RGS6: variants seen among roughly 807,000 people sequenced by gnomAD.
The protein encoded by RGS6 is regulator of G-protein signaling 6.
RGS6 carries 30 observed loss-of-function variants against 78.5 expected under a neutral mutation model. That is an observed-to-expected ratio of 0.38 (90% CI 0.29 to 0.52). The LOEUF (loss-of-function observed/expected upper bound fraction) is 0.52, where lower values mean the gene tolerates loss of function less well. Ranked by LOEUF, RGS6 falls within the 20% of genes least tolerant of loss-of-function variation. The pLI, the probability that RGS6 is intolerant of heterozygous loss-of-function variation, is 0.85. For missense variants in RGS6, 495 were observed against 609.7 expected (o/e 0.81, Z 1.98); for synonymous variants, 206 against 206.0 (o/e 1.00, Z 0.00).
intron 3 of RGS6, among the ~76,000 whole-genome samples, chr14:72,378,700 A>C (rs1596457209): frequency 6.6e-6 from 1 of 152,164 alleles, no homozygotes; most frequent in Non-Finnish European, 1.5e-5. Context: ...CAGTAATAAA[A>C]AGTTTCCCAA....
chr14:72,348,941 C>T (rs1438989781), intron 2 of RGS6, among the ~76,000 whole-genome samples: 8 of 151,944 alleles, frequency 5.3e-5, no homozygotes, highest in Admixed American at 6.6e-5. Context: ...CCAAGGTGGG[C>T]AGATCACAAG....
chr14:72,020,876 G>A (rs1402634004), intron 2 of RGS6, among the ~76,000 whole-genome samples: 1 of 152,188 alleles, frequency 6.6e-6, no homozygotes, highest in East Asian at 1.9e-4. Flanking sequence ...GTGGTGACAT[G>A]TGCTCTGAAG....
chr14:72,175,124 T>C (rs892642900), intron 2 of RGS6, among the ~76,000 whole-genome samples: 2 of 152,348 alleles, frequency 1.3e-5, no homozygotes, highest in East Asian at 1.9e-4. Context: ...TCTGCAATTA[T>C]TAAAAGTTTT....
chr14:71,985,120 T>C (rs2094639974), intron 2 of RGS6, among the ~76,000 whole-genome samples: 2 of 152,130 alleles, frequency 1.3e-5, no homozygotes, highest in African/African-American at 4.8e-5. Flanking sequence ...ATAGTTTTAT[T>C]TATTTTTATT....
intron 2 of RGS6, among the ~76,000 whole-genome samples, chr14:72,200,701 A>G (rs1316274848): frequency 5.9e-5 from 9 of 152,200 alleles, no homozygotes; most frequent in African/African-American, 2.2e-4. Context: ...CCTCACCTCA[A>G]AAGCCCCACA....
At position 72,562,934 on chromosome 14, in the gene RGS6, T is replaced by TA; in HGVS notation, c.*468dup. 1 of 647,124 alleles carries TA rather than the reference T, an allele frequency of 1.5e-6. No individual in the cohort carries two copies. Among genetic ancestry groups the TA allele is most frequent in the South Asian group, 1.8e-5 (1 of 55,738 alleles). 40.1% of individuals were successfully genotyped at this position (647,124 alleles called of 1,614,324 possible). A position where few individuals can be genotyped will look rare whatever the true frequency, so the allele number is the denominator to read the frequency against. ...TCACCTCCCTGGCACCTCCCATAGTTACAGCCACTACATCCCCACCGCCGC... is the reference window on the plus strand; with the variant it reads ...TCACCTCCCTGGCACCTCCCATAGTTAACAGCCACTACATCCCCACCGCCGC... On this transcript the variant is annotated 3_prime_UTR_variant, in exon 18 of 18. Transcript: ENST00000553525.
At chr14:72,027,493 C>A (rs1336098724) in intron 2 of RGS6, among the ~76,000 whole-genome samples, 3 of 152,010 alleles carry the variant, frequency 2.0e-5, no homozygotes, top group African/African-American at 7.3e-5. Context: ...CCAAATCTGC[C>A]CACCCTCTTC....
intron 2 of RGS6, among the ~76,000 whole-genome samples, chr14:72,340,672 A>C (rs561474854): frequency 8.5e-5 from 13 of 152,330 alleles, no homozygotes; most frequent in Admixed American, 8.5e-4. Flanking sequence ...CAGTTTTTGC[A>C]GCTGCTGAGG....
At chr14:72,247,769 G>T (rs1293666651) in intron 2 of RGS6, among the ~76,000 whole-genome samples, 1 of 152,138 alleles carries the variant, frequency 6.6e-6, no homozygotes, top group Non-Finnish European at 1.5e-5. Flanking sequence ...CTAATGAAAA[G>T]GATGAGTTTG....
At chr14:72,627,582 G>C in the RGS6 span, among the ~76,000 whole-genome samples, 1 of 151,962 alleles carries the variant, frequency 6.6e-6, no homozygotes, top group African/African-American at 2.4e-5. Context: ...ATATCTGGTA[G>C]GGCTAGTTTC....
rs192833734 is a variant in RGS6, at chr14:72,273,120, A to G, written c.85-78975A>G. 2.3e-3 allele frequency among the ~76,000 whole-genome samples: 345 copies of G among 151,306 alleles called. 2 individuals carry two copies. The highest frequency in any genetic ancestry group is 3.9e-3 in the Non-Finnish European group (265 of 67,756). On this transcript the variant is annotated intron_variant, in intron 2 of 17. Coordinates refer to ENST00000553525, the MANE Select transcript of RGS6 (RefSeq NM_001204424.2). ...GCACTCCAGCCTCGGCTACAAGGGC[A>G]AAACTCCATCTCAAAAAAAAAAAGA...
At chr14:72,130,213 G>T (rs2096285508) in intron 2 of RGS6, among the ~76,000 whole-genome samples, 1 of 152,166 alleles carries the variant, frequency 6.6e-6, no homozygotes, top group Admixed American at 6.5e-5. Context: ...GGCCAGAAGG[G>T]TCTTGAGTGC....
At chr14:72,065,916 T>TCCCCCCC (rs562810939) in intron 2 of RGS6, among the ~76,000 whole-genome samples, 1 of 128,542 alleles carries the variant, frequency 7.8e-6, no homozygotes, top group African/African-American at 2.9e-5. Flanking sequence ...ATGCTATCCC[T>TCCCCCCC]CCCCCCCTCC....
At chr14:72,472,764 C>T (rs1035799351) in intron 8 of RGS6, 108 bp from the exon 9 acceptor site, 6 of 747,150 alleles carry the variant, frequency 8.0e-6, no homozygotes, top group African/African-American at 1.8e-5. Flanking sequence ...GTACCAATGG[C>T]CTTGTGTTCA....
At chr14:71,959,045 G>T (rs2093004059) in intron 1 of RGS6, among the ~76,000 whole-genome samples, 1 of 152,186 alleles carries the variant, frequency 6.6e-6, no homozygotes, top group South Asian at 2.1e-4. Flanking sequence ...GCCTTTAGGG[G>T]TTGAGTGCTA....
rs1163409219 is a variant in RGS6, at chr14:71,974,088, T to C, written c.84+9213T>C. ...TTCATTTCAAGGAGTCTAAGATTTT[T>C]CATTTTGGCAGGCAGTTGATCACTC... On this transcript the variant is annotated intron_variant, in intron 2 of 17. Coordinates refer to ENST00000553525, the MANE Select transcript of RGS6 (RefSeq NM_001204424.2). Among the ~76,000 whole-genome samples the C allele has an allele frequency of 2.0e-5, 3 of 152,320 alleles. No homozygotes were observed. In the East Asian group the frequency reaches 5.8e-4, roughly 29 times the overall value.
chr14:72,255,629 C>T (rs1166751032), intron 2 of RGS6, among the ~76,000 whole-genome samples: 1 of 152,188 alleles, frequency 6.6e-6, no homozygotes, highest in East Asian at 1.9e-4. Flanking sequence ...AAATGTGGCA[C>T]AAATTCTCTT....
chr14:72,197,411 C>T (rs116647130), intron 2 of RGS6, among the ~76,000 whole-genome samples: 1,575 of 152,190 alleles, frequency 0.01, 24 homozygotes, highest in African/African-American at 0.036. Flanking sequence ...GAGTGCCTAG[C>T]TCACACTTCA....
chr14:72,492,949 A>C (rs938095710), intron 12 of RGS6, among the ~76,000 whole-genome samples: 1 of 152,180 alleles, frequency 6.6e-6, no homozygotes, highest in Non-Finnish European at 1.5e-5. Flanking sequence ...AATATTTACT[A>C]TCTAGGCCCT....
Sources: allele counts gnomAD v4.1 joint callset (sites outside exome capture counted in the v4.1 genomes callset), GRCh38; gene constraint gnomAD v4.1.1; transcripts MANE v1.5; gene names NCBI Gene and HGNC (gene_info 2026-07-23, HGNC 2026-07-21).